ATG4A: variants seen among roughly 807,000 people sequenced by gnomAD.
ATG4A encodes the protein autophagy related 4A cysteine peptidase, also known as cysteine protease ATG4A.
Under a neutral mutation model 38.4 loss-of-function variants are expected in ATG4A, and 22 were observed. The ratio of observed to expected loss-of-function variants is 0.57; its 90% CI spans 0.41 to 0.82. ATG4A has a LOEUF of 0.82. Among genes scored for constraint, ATG4A ranks in the 40% least tolerant of loss-of-function variants. The pLI, the probability that ATG4A is intolerant of heterozygous loss-of-function variation, is 0.00. For synonymous variants in ATG4A, 86 were observed against 100.7 expected, an observed-to-expected ratio of 0.85 and a Z score of 0.88; for missense variants, 220 against 290.0, an observed-to-expected ratio of 0.76 and a Z score of 1.75.
At chrX:108,099,266 G>A (rs770606142) in intron 1 of ATG4A, among the ~76,000 whole-genome samples, 1 of 110,843 alleles carries the variant, frequency 9.0e-6, no homozygotes, top group Non-Finnish European at 1.9e-5. Context: ...ATCTTTTCAT[G>A]TGTTTATTTG....
At chrX:108,115,844 T>C (rs1569303809) in intron 1 of ATG4A, among the ~76,000 whole-genome samples, 1 of 112,532 alleles carries the variant, frequency 8.9e-6, no homozygotes, top group South Asian at 3.7e-4. Context: ...GCTAACCATC[T>C]TATAAGAAAA....
intron 12 of ATG4A, among the ~76,000 whole-genome samples, chrX:108,153,293 C>G (rs767905265): frequency 1.8e-5 from 2 of 112,278 alleles, no homozygotes; most frequent in South Asian, 7.4e-4. Flanking sequence ...AGAAAATGAG[C>G]TCATTGCAAA....
chrX:108,113,431 G>A (rs770793780), intron 1 of ATG4A, among the ~76,000 whole-genome samples: 46 of 111,371 alleles, frequency 4.1e-4, no homozygotes, highest in Non-Finnish European at 5.3e-4. Flanking sequence ...GGAGTTCAGA[G>A]TGAGGAGTAT....
chrX:108,138,505 G>A (rs2033160568), intron 9 of ATG4A, among the ~76,000 whole-genome samples: 1 of 112,465 alleles, frequency 8.9e-6, no homozygotes, highest in Non-Finnish European at 1.9e-5. Flanking sequence ...GGGGCCCAGG[G>A]TGGTGGAATT....
chrX:108,110,137 A>G (rs56147201), intron 1 of ATG4A, among the ~76,000 whole-genome samples: 50,227 of 102,754 alleles, frequency 0.49, 10,677 homozygotes, highest in African/African-American at 0.68. Flanking sequence ...TTGGGAGGCC[A>G]AGGCGGGGGC....
chrX:108,101,507 A>G (rs190263704), intron 1 of ATG4A, among the ~76,000 whole-genome samples: 1 of 109,209 alleles, frequency 9.2e-6, no homozygotes, highest in East Asian at 2.9e-4. Flanking sequence ...CTTCTTCCCT[A>G]AGTTAAGCCT....
In ATG4A at chrX:108,154,422, C is replaced by T. The variant is rs901571638; in HGVS notation, c.*710C>T. ...CAAACTTTTTCTGTAAAGGGCCAGA[C>T]GGGAAATATTTTGGGCTTTGCAGGC... On this transcript the variant is annotated 3_prime_UTR_variant, in exon 13 of 13. Coordinates refer to ENST00000372232, the MANE Select transcript of ATG4A (RefSeq NM_052936.5). 55 of 112,226 alleles carry T rather than the reference C, an allele frequency of 4.9e-4. No individual in the cohort carries two copies. Among genetic ancestry groups the T allele is most frequent in the African/African-American group, 1.7e-3 (53 of 30,856 alleles). The allele number at this position is 112,226 out of a possible 1,213,427, so 9.2% of individuals were successfully genotyped here. A position where few individuals can be genotyped will look rare whatever the true frequency, so the allele number is the denominator to read the frequency against.
chrX:108,129,830 A>G (rs1309788691), intron 3 of ATG4A, among the ~76,000 whole-genome samples: 6 of 107,800 alleles, frequency 5.6e-5, no homozygotes, highest in Non-Finnish European at 1.1e-4. Context: ...TCGGCCTCCC[A>G]AAGTGCTGGG....
At chrX:108,102,711 T>C (rs1229185274) in intron 1 of ATG4A, among the ~76,000 whole-genome samples, 2 of 112,032 alleles carry the variant, frequency 1.8e-5, no homozygotes, top group Non-Finnish European at 3.8e-5. Context: ...TTTGAGTTGA[T>C]TTTATATGTA....
At chrX:108,140,929 T>C (rs1442362440) in intron 9 of ATG4A, among the ~76,000 whole-genome samples, 9 of 65,498 alleles carry the variant, frequency 1.4e-4, no homozygotes, top group African/African-American at 2.2e-4. Flanking sequence ...CATATATACA[T>C]ATATATACAT....
In ATG4A at chrX:108,150,142, T is replaced by C. The variant is rs773696998; in HGVS notation, c.815-10T>C. The C allele has an allele frequency of 1.7e-6, 2 of 1,209,479 alleles. No homozygotes were observed. Among genetic ancestry groups the C allele is most frequent in the Admixed American group, 4.4e-5 (2 of 45,768 alleles). On this transcript the variant is annotated splice_polypyrimidine_tract_variant and intron_variant, in intron 9 of 12. Coordinates refer to ENST00000372232, the MANE Select transcript of ATG4A (RefSeq NM_052936.5). ...TCCTTTGAAGGTTAAGCATATCTCC[T>C]TCAAAACAGGTGACGAGCTCATCTT... is the stretch of plus-strand genomic sequence containing the variant.
Position 108,144,932 on chromosome X carries a change from C to G in ATG4A, c.815-5220C>G, listed in dbSNP as rs188867304. ...TATGCCCACTGGAAAGATTTCCCTTCAATGGGTCAGAGTAACACACCCAAA... is the reference window on the plus strand; with the variant it reads ...TATGCCCACTGGAAAGATTTCCCTTGAATGGGTCAGAGTAACACACCCAAA... On this transcript the variant is annotated intron_variant, in intron 9 of 12. Transcript: ENST00000372232. Among the ~76,000 whole-genome samples the G allele has an allele frequency of 1.1e-4, 12 of 112,350 alleles. No individual in the cohort carries two copies. The East Asian group carries it at 3.4e-3, about 32-fold the overall frequency.
chrX:108,129,511 A>AAATCAACCTT (rs2032891316), intron 3 of ATG4A, among the ~76,000 whole-genome samples: 1 of 111,786 alleles, frequency 8.9e-6, no homozygotes, highest in Admixed American at 9.5e-5. Context: ...AACTAGAATG[A>AAATCAACCTT]AATCAACCTT....
intron 1 of ATG4A, among the ~76,000 whole-genome samples, chrX:108,121,739 C>T (rs1270324016): frequency 1.8e-5 from 2 of 112,008 alleles, no homozygotes; most frequent in East Asian, 5.6e-4. Context: ...TATTGCACTT[C>T]TGTTAGTTGT....
At chrX:108,117,238 C>T (rs1301605910) in intron 1 of ATG4A, among the ~76,000 whole-genome samples, 1 of 110,803 alleles carries the variant, frequency 9.0e-6, no homozygotes, top group African/African-American at 3.3e-5. Flanking sequence ...GCACTATGAC[C>T]AGAGCTGTAG....
chrX:108,094,873 T>C (rs1392188523), intron 1 of ATG4A, among the ~76,000 whole-genome samples: 1 of 112,878 alleles, frequency 8.9e-6, no homozygotes, highest in Non-Finnish European at 1.9e-5. Context: ...CAAAAACTGC[T>C]GCTGGAACTG....
upstream of ATG4A, chrX:108,091,731 C>T: frequency 8.9e-7 from 1 of 1,118,889 alleles, no homozygotes; most frequent in South Asian, 1.8e-5. Flanking sequence ...CAGACTTGGC[C>T]CCTAGCAGTG....
intron 3 of ATG4A, among the ~76,000 whole-genome samples, chrX:108,130,254 CT>C (rs1191630303): frequency 9.0e-6 from 1 of 111,392 alleles, no homozygotes; most frequent in Admixed American, 9.5e-5. Flanking sequence ...TGATGACCCC[CT>C]TTGAAGTTAG....
chrX:108,102,429 G>T (rs1217605645), intron 1 of ATG4A, among the ~76,000 whole-genome samples: 1 of 111,552 alleles, frequency 9.0e-6, no homozygotes, highest in Non-Finnish European at 1.9e-5. Context: ...TTTTGTTATT[G>T]AGCTAAATAA....
Sources: allele counts gnomAD v4.1 joint callset (sites outside exome capture counted in the v4.1 genomes callset), GRCh38; gene constraint gnomAD v4.1.1; transcripts MANE v1.5; gene names NCBI Gene and HGNC (gene_info 2026-07-23, HGNC 2026-07-21).